POLR3B: variants seen among roughly 807,000 people sequenced by gnomAD.
POLR3B encodes DNA-directed RNA polymerase III subunit RPC2.
POLR3B carries 96 observed loss-of-function variants against 147.4 expected under a neutral mutation model. That is an observed-to-expected ratio of 0.65 (90% confidence interval 0.55 to 0.77). The LOEUF is 0.77. Ranked by LOEUF, POLR3B falls within the 30% of genes least tolerant of loss-of-function variation. The pLI is 0.00. For synonymous variants in POLR3B, 461 were observed against 485.9 expected (o/e 0.95, Z 0.67); for missense variants, 1,036 against 1,413.5 (o/e 0.73, Z 4.28).
chr12:106,459,104 G>A lies in POLR3B; in HGVS notation c.2453-147G>A, dbSNP rs1023216280. 23 of 656,676 alleles carry A rather than the reference G, an allele frequency of 3.5e-5. No individual in the cohort carries two copies. The East Asian group carries it at 4.6e-4, about 13-fold the overall frequency. The allele number at this position is 656,676 out of a possible 1,614,324, so 40.7% of individuals were successfully genotyped here. A position where few individuals can be genotyped will look rare whatever the true frequency, so the allele number is the denominator to read the frequency against. ...TGCAGTGGCATGACCATAGCTCACT[G>A]CAGCCTCAACCTAGGTTCAAGCAGT... On this transcript the variant is annotated intron_variant, in intron 21 of 27. Coordinates refer to ENST00000228347, the MANE Select transcript of POLR3B (RefSeq NM_018082.6).
intron 19 of POLR3B, among the ~76,000 whole-genome samples, chr12:106,453,174 G>A (rs564327281): frequency 6.6e-5 from 10 of 151,600 alleles, no homozygotes; most frequent in East Asian, 1.9e-4. Context: ...ACCATGCCCC[G>A]TTAATTTTTG....
intron 23 of POLR3B, among the ~76,000 whole-genome samples, chr12:106,483,876 AT>A (rs2038303589): frequency 6.6e-6 from 1 of 152,246 alleles, no homozygotes; most frequent in Non-Finnish European, 1.5e-5. Flanking sequence ...TCTGTTCAGT[AT>A]TTAAAGAAAG....
At chr12:106,392,145 A>G (rs1463478994) in intron 9 of POLR3B, among the ~76,000 whole-genome samples, 1 of 152,052 alleles carries the variant, frequency 6.6e-6, no homozygotes, top group Non-Finnish European at 1.5e-5. Flanking sequence ...TCTTAAGTGT[A>G]TTCCTACTTT....
rs2038653597 is a variant in POLR3B, at chr12:106,504,439, A to G, written c.3272+185A>G. On this transcript the variant is annotated intron_variant, in intron 27 of 27. Coordinates refer to ENST00000228347, the MANE Select transcript of POLR3B (RefSeq NM_018082.6). This position sits in a 1 kb window ranked among gnomAD's most constrained non-coding sequence, Gnocchi z 4.6. ...TGTACATGTCTCATTTGTCTACATCATGATCTACTTCCTACACAACTAGAG... is the reference window on the plus strand; with the variant it reads ...TGTACATGTCTCATTTGTCTACATCGTGATCTACTTCCTACACAACTAGAG... Among the ~76,000 whole-genome samples, 1 of 152,182 alleles carries G rather than the reference A, an allele frequency of 6.6e-6. No homozygotes were observed. The highest frequency in any genetic ancestry group is 2.1e-4 in the South Asian group (1 of 4,826).
At chr12:106,468,494 G>A (rs1237599303) in intron 23 of POLR3B, among the ~76,000 whole-genome samples, 3 of 151,988 alleles carry the variant, frequency 2.0e-5, no homozygotes, top group African/African-American at 7.2e-5. Context: ...GCTTTTGAAT[G>A]TGTTTGCTCT....
chr12:106,368,863 T>A (rs1253272980), intron 4 of POLR3B, among the ~76,000 whole-genome samples: 10 of 151,272 alleles, frequency 6.6e-5, no homozygotes. Context: ...TTCCGCTTTA[T>A]CCTTTTCATC....
chr12:106,437,335 A>G (rs2037590846), intron 17 of POLR3B, among the ~76,000 whole-genome samples: 1 of 152,220 alleles, frequency 6.6e-6, no homozygotes, highest in African/African-American at 2.4e-5. Context: ...TCTTGATGTC[A>G]GTTAGTACAC....
intron 9 of POLR3B, among the ~76,000 whole-genome samples, chr12:106,387,299 C>T (rs116998067): frequency 1.9e-3 from 295 of 152,222 alleles, no homozygotes; most frequent in Admixed American, 4.0e-3. Flanking sequence ...AAGTTGCATA[C>T]TTGTGGTGGA....
Position 106,366,575 on chromosome 12 carries a change from A to G in POLR3B, c.162+3A>G. ...TTAACTATTTCATTAATGTAGAGGT[A>G]AGCATCAGATGTTAGAAATAGACAT... On this transcript the variant is annotated splice_donor_region_variant and intron_variant, in intron 3 of 27. Coordinates refer to ENST00000228347, the MANE Select transcript of POLR3B (RefSeq NM_018082.6). The G allele has an allele frequency of 1.2e-6, 2 of 1,604,560 alleles. No individual in the cohort carries two copies. Among genetic ancestry groups the G allele is most frequent in the Non-Finnish European group, 1.7e-6 (2 of 1,171,308 alleles).
chr12:106,464,216 G>A (rs2037976665), intron 23 of POLR3B, among the ~76,000 whole-genome samples: 1 of 152,126 alleles, frequency 6.6e-6, no homozygotes, highest in Admixed American at 6.6e-5. Context: ...GATGGTTACT[G>A]CACAGTTTTC....
At chr12:106,465,445 G>A (rs2037991265) in intron 23 of POLR3B, among the ~76,000 whole-genome samples, 1 of 150,664 alleles carries the variant, frequency 6.6e-6, no homozygotes, top group Admixed American at 6.6e-5. Context: ...CAGTGGCTAT[G>A]CAATGTGCTC....
At chr12:106,497,314 C>T (rs987552160) in intron 25 of POLR3B, among the ~76,000 whole-genome samples, 11 of 151,490 alleles carry the variant, frequency 7.3e-5, no homozygotes, top group African/African-American at 2.7e-4. Flanking sequence ...AAACTGGATA[C>T]AAGAAAATCT....
intron 16 of POLR3B, among the ~76,000 whole-genome samples, chr12:106,436,675 T>G (rs768467988): frequency 7.2e-5 from 11 of 152,228 alleles, no homozygotes; most frequent in Non-Finnish European, 1.3e-4. Flanking sequence ...GTTTTTAGAT[T>G]GATACATTAC....
At chr12:106,468,575 C>T (rs1479125945) in intron 23 of POLR3B, among the ~76,000 whole-genome samples, 1 of 152,128 alleles carries the variant, frequency 6.6e-6, no homozygotes, top group Non-Finnish European at 1.5e-5. Context: ...CTCTTGTGGG[C>T]ATTTAGTGCT....
chr12:106,370,494 C>G (rs1302929344), intron 6 of POLR3B, among the ~76,000 whole-genome samples: 2 of 152,178 alleles, frequency 1.3e-5, no homozygotes, highest in Non-Finnish European at 2.9e-5. Context: ...TTAACAAATC[C>G]TCCTATACTT....
At chr12:106,372,874 A>G (rs980205976) in intron 6 of POLR3B, among the ~76,000 whole-genome samples, 5 of 152,250 alleles carry the variant, frequency 3.3e-5, no homozygotes, top group Admixed American at 6.5e-5. Flanking sequence ...TTTAGTCAGT[A>G]TGTTCATTTC....
intron 15 of POLR3B, among the ~76,000 whole-genome samples, chr12:106,432,684 C>A (rs914345096): frequency 1.3e-5 from 2 of 152,190 alleles, no homozygotes; most frequent in African/African-American, 4.8e-5. Context: ...ATATAGCTAT[C>A]AGAGCTAAAG....
At chr12:106,410,594 T>G in intron 11 of POLR3B, 2 of 542,502 alleles carry the variant, frequency 3.7e-6, no homozygotes, top group Non-Finnish European at 6.6e-6. Flanking sequence ...AGGGAAGAAG[T>G]TGATGTAGTC....
chr12:106,495,966 G>C (rs929951945), intron 23 of POLR3B, 89 bp from the exon 24 acceptor site: 5 of 818,642 alleles, frequency 6.1e-6, no homozygotes, highest in Admixed American at 5.1e-5. Flanking sequence ...AGTGGAAATA[G>C]AGATAGCAGC....
Sources: gnomAD v4.1 joint callset for allele counts (sites outside exome capture counted in the v4.1 genomes callset) on GRCh38, gnomAD v4.1.1 for gene constraint, Gnocchi (gnomAD v3.1) non-coding constraint, MANE v1.5 for transcripts, NCBI Gene and HGNC (gene_info 2026-07-23, HGNC 2026-07-21) for gene names.